Variants in MUC5B observed in about 807,000 individuals in gnomAD.
MUC5B encodes mucin 5B, oligomeric mucus/gel-forming, also known as mucin-5B.
MUC5B carries 116 observed loss-of-function variants against 376.9 expected under a neutral mutation model. The ratio of observed to expected loss-of-function variants is 0.31; its 90% CI spans 0.26 to 0.36. The LOEUF (loss-of-function observed/expected upper bound fraction) is 0.36. MUC5B is among the 10% of genes least tolerant of loss of function. MUC5B has a pLI of 1.00. For synonymous variants in MUC5B, 3,517 were observed against 3,390.9 expected, an observed-to-expected ratio of 1.04 and a Z score of -1.29; for missense variants, 7,165 against 7,769.9, an observed-to-expected ratio of 0.92 and a Z score of 2.93.
At position 1,257,719 on chromosome 11, in the gene MUC5B, C is replaced by G. The variant is rs56192926; in HGVS notation, c.16450+9C>G. 2.3e-3 allele frequency: 3,498 copies of G among 1,539,700 alleles called. 58 individuals carry two copies. The African/African-American group carries it at 0.043, about 19-fold the overall frequency. On this transcript the variant is annotated intron_variant, in intron 41 of 48. Coordinates refer to ENST00000529681, the MANE Select transcript of MUC5B (RefSeq NM_002458.3). The surrounding 1 kb of genome is among the most constrained non-coding windows in gnomAD (Gnocchi z 8.9). ...CCCCGAGACGGTGTGCGGTAAGACG[C>G]TGCAGAGCAGAGGTGCCCGGCATAG...
rs1862451384 is a variant in MUC5B, at chr11:1,246,040, C to A, written c.9160C>A (p.Leu3054Met). The A allele has an allele frequency of 1.2e-6, 2 of 1,612,904 alleles. No individual in the cohort carries two copies. Among genetic ancestry groups the A allele is most frequent in the South Asian group, 2.2e-5 (2 of 91,034 alleles). Residue 3054 changes from leucine (L) to methionine (M), a missense_variant, in exon 31 of 49, where the codon CTG (leucine) becomes ATG (methionine). Transcript: ENST00000529681. Reference sequence around the variant, plus strand: ...AAGGACTGCAACCACCCTTCCAGTGCTGACAAGCACAGCCACCAAATCCAC... The same window carrying A: ...AAGGACTGCAACCACCCTTCCAGTGATGACAAGCACAGCCACCAAATCCAC... ...SPRTATTLPV[L>M]TSTATKSTAT...
At chr11:1,224,393 T>G (rs1260711058) in intron 1 of MUC5B, among the ~76,000 whole-genome samples, 1 of 147,554 alleles carries the variant, frequency 6.8e-6, no homozygotes, top group Non-Finnish European at 1.5e-5. Context: ...GAGGCCCAGG[T>G]GGTCCAGCCC....
In MUC5B at chr11:1,251,810, T is replaced by C. The variant is rs368624504; in HGVS notation, c.14863+67T>C. Reference sequence around the variant, plus strand: ...TGCTATGCCAACCTGGGTCTGCCTGTCCTGGGAGCCAGTGGCTTTCTCCCT... The same window carrying C: ...TGCTATGCCAACCTGGGTCTGCCTGCCCTGGGAGCCAGTGGCTTTCTCCCT... On this transcript the variant is annotated intron_variant, in intron 31 of 48. Coordinates refer to ENST00000529681, the MANE Select transcript of MUC5B (RefSeq NM_002458.3). 3.5e-4 allele frequency: 416 copies of C among 1,180,926 alleles called. 4 individuals are homozygous for C. The African/African-American group carries it at 5.7e-3, about 16-fold the overall frequency. 73.2% of individuals were successfully genotyped at this position (1,180,926 alleles called of 1,614,324 possible). A position where few individuals can be genotyped will look rare whatever the true frequency, so the allele number is the denominator to read the frequency against.
chr11:1,238,911 C>A lies in MUC5B; in HGVS notation c.3338C>A (p.Ala1113Glu). 6.4e-7 allele frequency: 1 copy of A among 1,568,704 alleles called. No homozygotes were observed. Among genetic ancestry groups the A allele is most frequent in the Non-Finnish European group, 8.6e-7 (1 of 1,156,824 alleles). The change falls in exon 26 of 49, where the codon GCG (alanine) becomes GAG (glutamate). Residue 1113 changes from alanine to glutamate, a missense_variant. Around this residue, in one of 31 missense-constraint regions of MUC5B, gnomAD observed 143 missense variants for 193.2 expected, o/e 0.74. Transcript: ENST00000529681. ...TKYYEACVNDACACDSGGDCE... is the reference protein window; with the variant it reads ...TKYYEACVNDECACDSGGDCE... ...TACTACGAGGCCTGCGTGAACGACG[C>A]GTGTGCCTGCGACTCGGGTGGCGAC...
chr11:1,251,219 C>G lies in MUC5B; in HGVS notation c.14339C>G (p.Thr4780Ser). ...ATGTCCACCATGTCCACAATCCACA[C>G]CTCCTCTACTCCAGAGACCACCCAC... ...TPMSTMSTIH[T>S]SSTPETTHTS... The change falls in exon 31 of 49, where the codon ACC becomes AGC. Residue 4780 changes from threonine to serine, a missense_variant. By Grantham distance (58) the Thr-to-Ser change is moderately conservative (BLOSUM62 1). Around this residue, in one of 31 missense-constraint regions of MUC5B, gnomAD observed 730 missense variants for 592.7 expected, o/e 1.23. Coordinates refer to ENST00000529681, the MANE Select transcript of MUC5B (RefSeq NM_002458.3). 6.8e-6 allele frequency: 11 copies of G among 1,611,356 alleles called. No homozygotes were observed. Among genetic ancestry groups the G allele is most frequent in the Non-Finnish European group, 9.3e-6 (11 of 1,178,268 alleles).
chr11:1,233,947 C>G, intron 19 of MUC5B, 99 bp downstream of exon 19: 1 of 1,271,646 alleles, frequency 7.9e-7, no homozygotes, highest in Non-Finnish European at 1.1e-6. Context: ...CCACCTGAAC[C>G]CTGCCGGGCC....
In MUC5B at chr11:1,245,861, C is replaced by T. The variant is rs1435845103; in HGVS notation, c.8981C>T (p.Thr2994Ile). The T allele has an allele frequency of 1.9e-6, 3 of 1,613,492 alleles. No individual in the cohort carries two copies. The highest frequency in any genetic ancestry group is 1.1e-5 in the South Asian group (1 of 91,064). The change falls in exon 31 of 49, where the codon ACA (threonine) becomes ATA (isoleucine). Residue 2994 changes from threonine to isoleucine, a missense_variant. Physicochemically the swap from Thr to Ile is moderately conservative, Grantham distance 89. Coordinates refer to ENST00000529681, the MANE Select transcript of MUC5B (RefSeq NM_002458.3). ...ACTCCAGGGACGACCTGGATCCTCA[C>T]AGAGCAGACCACAGCAGCCACTACG... ...SSTPGTTWILTEQTTAATTTA... is the reference protein window; with the variant it reads ...SSTPGTTWILIEQTTAATTTA...
chr11:1,238,613 TAGGTGGGCAGATGGAC>T (rs1218262589), intron 25 of MUC5B, among the ~76,000 whole-genome samples: 7 of 151,666 alleles, frequency 4.6e-5, no homozygotes, highest in Non-Finnish European at 1.0e-4. Flanking sequence ...GGCAGGTGCA[TAGGTGGGCAGATGGAC>T]AGGTGGGCAG....
At position 1,257,492 on chromosome 11, in the gene MUC5B, G is replaced by C; in HGVS notation, c.16270-38G>C. 1.3e-6 allele frequency: 2 copies of C among 1,598,594 alleles called. No individual in the cohort carries two copies. Among genetic ancestry groups the C allele is most frequent in the Non-Finnish European group, 1.7e-6 (2 of 1,172,876 alleles). ...AGATGCCCAGGGTTGACCTGTGTCT[G>C]TCCAGGAGCCCTCAGGGACCCCCTT... is the stretch of plus-strand genomic sequence containing the variant. On this transcript the variant is annotated intron_variant, in intron 40 of 48. Transcript: ENST00000529681. This position sits in a 1 kb window ranked among gnomAD's most constrained non-coding sequence, Gnocchi z 8.9.
chr11:1,223,408 G>T (rs1376433288), intron 1 of MUC5B: 6 of 672,276 alleles, frequency 8.9e-6, no homozygotes, highest in Middle Eastern at 2.4e-4. Flanking sequence ...CTTGGATGGG[G>T]TGTCCAGGAG....
intron 18 of MUC5B, 38 bp downstream of exon 18, chr11:1,233,306 C>G: frequency 2.0e-6 from 3 of 1,479,496 alleles, no homozygotes; most frequent in Non-Finnish European, 2.7e-6. Context: ...CCCAGGTGCT[C>G]CTCAGAGCCA....
rs141754305 is a variant in MUC5B, at chr11:1,242,561, C to T, written c.5681C>T (p.Thr1894Met). 51 of 1,613,818 alleles carry T rather than the reference C, an allele frequency of 3.2e-5. No homozygotes were observed. Among genetic ancestry groups the T allele is most frequent in the East Asian group, 8.9e-5 (4 of 44,886 alleles). Reference protein sequence around the residue: ...HCPSTPATSSTATPSSTPGTT... With the variant: ...HCPSTPATSSMATPSSTPGTT... Reference sequence around the variant, plus strand: ...CCCAGTACCCCAGCCACCAGCTCCACGGCCACGCCCTCCTCAACTCCGGGG... The same window carrying T: ...CCCAGTACCCCAGCCACCAGCTCCATGGCCACGCCCTCCTCAACTCCGGGG... The change falls in exon 31 of 49, where the codon ACG (threonine) becomes ATG (methionine). Residue 1894 changes from threonine to methionine, a missense_variant. This residue lies in a region of MUC5B where 897 missense variants were observed against 779.6 expected (regional missense o/e 1.15). Coordinates refer to ENST00000529681, the MANE Select transcript of MUC5B (RefSeq NM_002458.3).
chr11:1,243,159 C>T lies in MUC5B; in HGVS notation c.6279C>T (p.Ser2093=). 2 of 1,609,872 alleles carry T rather than the reference C, an allele frequency of 1.2e-6. No individual in the cohort carries two copies. The highest frequency in any genetic ancestry group is 2.2e-5 in the South Asian group (2 of 90,924). The part of the protein sequence containing the change: ...PTTRGSTVTP[S]SIPGTTHTAT... ...CCAGAGGCTCCACGGTGACCCCCTC[C>T]TCCATCCCGGGGACCACCCACACCG... The change falls in exon 31 of 49, where the codon TCC becomes TCT. Residue 2093 remains serine (S), a synonymous_variant. Transcript: ENST00000529681.
rs546873641 is a variant in MUC5B, at chr11:1,248,567, C to T, written c.11687C>T (p.Thr3896Ile). The T allele has an allele frequency of 4.3e-6, 7 of 1,613,364 alleles. No individual in the cohort carries two copies. The East Asian group carries it at 1.1e-4, about 26-fold the overall frequency. The change falls in exon 31 of 49, where the codon ACA (threonine) becomes ATA (isoleucine). Residue 3896 changes from threonine (T) to isoleucine (I), a missense_variant. By Grantham distance (89) the Thr-to-Ile change is moderately conservative. This residue lies in a region of MUC5B where 242 missense variants were observed against 199.0 expected (regional missense o/e 1.22). Transcript: ENST00000529681. ...CCAGTGTGGATCAGCACAACCACCA[C>T]ACCCACAACCAGTGGCTCCACGGTG... ...TPPVWISTTT[T>I]PTTSGSTVTP...
rs746852179 is a variant in MUC5B, at chr11:1,226,679, C to T, written c.264C>T (p.Phe88=). The T allele has an allele frequency of 3.0e-5, 49 of 1,612,362 alleles. No individual in the cohort carries two copies. The highest frequency in any genetic ancestry group is 3.6e-5 in the Non-Finnish European group (43 of 1,179,722). The change falls in exon 4 of 49, where the codon TTC becomes TTT. Residue 88 remains phenylalanine (F), a synonymous_variant. Coordinates refer to ENST00000529681, the MANE Select transcript of MUC5B (RefSeq NM_002458.3). ...GGGGTGACTTCCACTACAAGACCTT[C>T]GACGGCGACGTCTTCCGCTTCCCTG... ...STWGDFHYKT[F]DGDVFRFPGL... is the part of the protein sequence containing the mutation.
Position 1,254,193 on chromosome 11 carries a change from G to T in MUC5B, c.15319G>T (p.Ala5107Ser). ...CTYVLMREIH[A>S]RFGNLSLYLD... ...CTATGTCCTCATGAGAGAGATCCAT[G>T]CACGCTTTGGGAATCTCAGCCTCTA... The change falls in exon 34 of 49, where the codon GCA (alanine) becomes TCA (serine). Residue 5107 changes from alanine (A) to serine (S), a missense_variant. Transcript: ENST00000529681. The T allele has an allele frequency of 1.2e-6, 2 of 1,612,880 alleles. No individual in the cohort carries two copies. The highest frequency in any genetic ancestry group is 1.7e-6 in the Non-Finnish European group (2 of 1,179,872).
chr11:1,240,929 A>G lies in MUC5B; in HGVS notation c.4049A>G (p.Glu1350Gly). 1 of 1,613,160 alleles carries G rather than the reference A, an allele frequency of 6.2e-7. No homozygotes were observed. The highest frequency in any genetic ancestry group is 1.1e-5 in the South Asian group (1 of 91,080). Reference sequence around the variant, plus strand: ...AGCTGGTACAATGGGCACCGCCCAGAGCCCGGCCTGGGAGGCGGAGACTTT... The same window carrying G: ...AGCTGGTACAATGGGCACCGCCCAGGGCCCGGCCTGGGAGGCGGAGACTTT... The part of the protein sequence containing the change: ...WSSWYNGHRP[E>G]PGLGGGDFET... Residue 1350 changes from glutamate to glycine, a missense_variant, in exon 31 of 49, where the codon GAG becomes GGG. Coordinates refer to ENST00000529681, the MANE Select transcript of MUC5B (RefSeq NM_002458.3).
intron 23 of MUC5B, 131 bp downstream of exon 23, chr11:1,235,544 G>T: frequency 1.3e-6 from 1 of 772,726 alleles, no homozygotes; most frequent in Non-Finnish European, 2.2e-6. Context: ...GCTGTTCCAA[G>T]CAGCCACAAA....
At chr11:1,224,102 A>G (rs1331435784) in intron 1 of MUC5B, among the ~76,000 whole-genome samples, 1 of 152,216 alleles carries the variant, frequency 6.6e-6, no homozygotes, top group Admixed American at 6.5e-5. Context: ...TGGTTTGACC[A>G]GAATAGCCAC....
Sources: gnomAD v4.1 joint callset for allele counts (sites outside exome capture counted in the v4.1 genomes callset) on GRCh38, gnomAD v4.1.1 for gene constraint, gnomAD v4.1.1 regional missense constraint, Gnocchi (gnomAD v3.1) non-coding constraint, MANE v1.5 for transcripts, NCBI Gene and HGNC (gene_info 2026-07-23, HGNC 2026-07-21) for gene names.